Variants in CPQ observed in about 807,000 individuals in gnomAD.
CPQ encodes Ser-Met dipeptidase.
In CPQ, 37 loss-of-function variants were observed where a neutral mutation model predicts 45.7. That is an observed-to-expected ratio of 0.81 (90% CI 0.62 to 1.07). The LOEUF (loss-of-function observed/expected upper bound fraction) is 1.07. Ranked by LOEUF, CPQ falls within the 50% of genes least tolerant of loss-of-function variation. The pLI, the probability that CPQ is intolerant of heterozygous loss-of-function variation, is 0.00. For synonymous variants in CPQ, 186 were observed against 205.8 expected (o/e 0.90, Z 0.82); for missense variants, 537 against 572.9 (o/e 0.94, Z 0.64).
At chr8:97,023,129 A>G (rs1809739833) in intron 5 of CPQ, among the ~76,000 whole-genome samples, 1 of 149,470 alleles carries the variant, frequency 6.7e-6, no homozygotes, top group Non-Finnish European at 1.5e-5. Flanking sequence ...TATATACTAT[A>G]TATGTTACTC....
intron 1 of CPQ, among the ~76,000 whole-genome samples, chr8:96,747,089 G>A (rs1046276911): frequency 1.3e-5 from 2 of 152,002 alleles, no homozygotes; most frequent in East Asian, 3.9e-4. Flanking sequence ...TTGGGAGTTC[G>A]AGACCAGCCT....
At position 96,828,438 on chromosome 8, in the gene CPQ, A is replaced by G. The variant is rs111495731; in HGVS notation, c.434-6535A>G. On this transcript the variant is annotated intron_variant, in intron 2 of 7. Coordinates refer to ENST00000220763, the MANE Select transcript of CPQ (RefSeq NM_016134.4). ...CCTCTCTCCTACCCACCCTCCAGCCAGTGTCTCCTAGTCAATTGGCACTCA... is the reference window on the plus strand; with the variant it reads ...CCTCTCTCCTACCCACCCTCCAGCCGGTGTCTCCTAGTCAATTGGCACTCA... Among the ~76,000 whole-genome samples the G allele has an allele frequency of 2.1e-3, 314 of 151,906 alleles. 2 individuals are homozygous for G. The highest frequency in any genetic ancestry group is 7.4e-3 in the African/African-American group (306 of 41,432).
At chr8:96,862,827 G>A (rs1010857341) in intron 3 of CPQ, among the ~76,000 whole-genome samples, 1 of 152,016 alleles carries the variant, frequency 6.6e-6, no homozygotes, top group Admixed American at 6.6e-5. Context: ...TCATGCAGTA[G>A]CATACCTAAA....
At chr8:96,671,403 A>T (rs181446355) in intron 1 of CPQ, among the ~76,000 whole-genome samples, 75 of 152,316 alleles carry the variant, frequency 4.9e-4, no homozygotes, top group African/African-American at 1.7e-3. Flanking sequence ...TTCCACTGTA[A>T]ATTGTAAAAG....
chr8:96,817,371 A>AT (rs1402326186), intron 2 of CPQ, among the ~76,000 whole-genome samples: 1 of 152,168 alleles, frequency 6.6e-6, no homozygotes, highest in Non-Finnish European at 1.5e-5. Flanking sequence ...ACAGGTTATC[A>AT]TAACAGATAT....
chr8:97,088,872 A>T (rs1405715322), intron 7 of CPQ, among the ~76,000 whole-genome samples: 1 of 152,196 alleles, frequency 6.6e-6, no homozygotes, highest in East Asian at 1.9e-4. Flanking sequence ...AAAGAAATAG[A>T]TTGCCTGTAG....
chr8:96,902,307 A>C (rs571461286), intron 4 of CPQ, among the ~76,000 whole-genome samples: 1 of 152,220 alleles, frequency 6.6e-6, no homozygotes, highest in Non-Finnish European at 1.5e-5. Context: ...TATTATCAAA[A>C]CTATTTAGCA....
intron 1 of CPQ, among the ~76,000 whole-genome samples, chr8:96,769,412 G>C (rs532748177): frequency 1.3e-5 from 2 of 152,022 alleles, no homozygotes; most frequent in Admixed American, 6.6e-5. Flanking sequence ...CATGTGCTTA[G>C]TTATACCTGC....
chr8:97,099,212 C>T (rs903817237), intron 7 of CPQ, among the ~76,000 whole-genome samples: 1 of 138,132 alleles, frequency 7.2e-6, no homozygotes, highest in African/African-American at 2.7e-5. Context: ...CTCACTGCAA[C>T]ATCCACCTCC....
chr8:96,937,705 CA>C (rs1015630304), intron 4 of CPQ, among the ~76,000 whole-genome samples: 2 of 152,180 alleles, frequency 1.3e-5, no homozygotes, highest in Admixed American at 1.3e-4. Flanking sequence ...CCTATACCCG[CA>C]GTCAATTGCC....
At chr8:97,013,546 G>C (rs1809527488) in intron 5 of CPQ, among the ~76,000 whole-genome samples, 1 of 152,168 alleles carries the variant, frequency 6.6e-6, no homozygotes. Flanking sequence ...CCAGAGAAAG[G>C]AGAGAGTGGA....
chr8:97,029,195 C>G (rs1259705839), intron 5 of CPQ, among the ~76,000 whole-genome samples: 3 of 152,098 alleles, frequency 2.0e-5, no homozygotes, highest in African/African-American at 7.2e-5. Flanking sequence ...TGTCACAACC[C>G]CTTTCTCCAT....
chr8:97,013,936 GT>G (rs1809534765), intron 5 of CPQ, among the ~76,000 whole-genome samples: 1 of 152,224 alleles, frequency 6.6e-6, no homozygotes, highest in Non-Finnish European at 1.5e-5. Flanking sequence ...TGTTGTATAT[GT>G]GTCATTTATA....
intron 5 of CPQ, among the ~76,000 whole-genome samples, chr8:96,995,671 A>G (rs562547906): frequency 1.4e-5 from 2 of 147,484 alleles, no homozygotes; most frequent in Admixed American, 1.4e-4. Context: ...TTTTTTTTTA[A>G]AAAAAAAACA....
At chr8:97,096,149 C>T (rs532434712) in intron 7 of CPQ, among the ~76,000 whole-genome samples, 1 of 152,186 alleles carries the variant, frequency 6.6e-6, no homozygotes, top group Admixed American at 6.5e-5. Context: ...CCATTATAAT[C>T]TTATTAATGA....
At chr8:96,871,935 C>T (rs781459068) in intron 3 of CPQ, among the ~76,000 whole-genome samples, 6 of 151,690 alleles carry the variant, frequency 4.0e-5, no homozygotes, top group African/African-American at 7.3e-5. Context: ...ACGATATTGG[C>T]GATGAGTTTG....
At chr8:96,868,776 T>A (rs981459859) in intron 3 of CPQ, among the ~76,000 whole-genome samples, 2 of 151,990 alleles carry the variant, frequency 1.3e-5, no homozygotes, top group African/African-American at 4.8e-5. Context: ...AACTTGACAT[T>A]TTCTATATAT....
chr8:96,749,302 T>C (rs2130784487), intron 1 of CPQ, among the ~76,000 whole-genome samples: 1 of 152,310 alleles, frequency 6.6e-6, no homozygotes, highest in East Asian at 1.9e-4. Context: ...TTCTCCACGC[T>C]CTGGGAAATA....
At chr8:97,027,191 T>C (rs1189342493) in intron 5 of CPQ, among the ~76,000 whole-genome samples, 1 of 152,216 alleles carries the variant, frequency 6.6e-6, no homozygotes, top group African/African-American at 2.4e-5. Flanking sequence ...AAGATTGTTA[T>C]CTTTGGCAAT....
Sources: gnomAD v4.1 joint callset for allele counts (sites outside exome capture counted in the v4.1 genomes callset) on GRCh38, gnomAD v4.1.1 for gene constraint, MANE v1.5 for transcripts, NCBI Gene and HGNC (gene_info 2026-07-23, HGNC 2026-07-21) for gene names.